Variants in ANO5 observed in about 807,000 individuals in gnomAD.
The protein encoded by ANO5 is anoctamin-5.
In ANO5, 109 loss-of-function variants were observed where a neutral mutation model predicts 121.0. The observed-to-expected ratio is 0.90, with a 90% CI of 0.77 to 1.06. The LOEUF is 1.06. ANO5 is among the 50% of genes least tolerant of loss of function. The pLI is 0.00. For missense variants in ANO5, 1,064 were observed against 1,078.5 expected (o/e 0.99, Z 0.19); for synonymous variants, 406 against 359.9 (o/e 1.13, Z -1.45).
chr11:22,210,287 C>T (rs775476983), intron 2 of ANO5, among the ~76,000 whole-genome samples: 49 of 150,456 alleles, frequency 3.3e-4, no homozygotes, highest in Admixed American at 4.6e-4. Flanking sequence ...ATCTTTCATT[C>T]TCTTTTAAAG....
In ANO5 at chr11:22,193,115, T is replaced by G; in HGVS notation, c.-378T>G. 27 of 1,064,930 alleles carry G rather than the reference T, an allele frequency of 2.5e-5. No individual in the cohort carries two copies. The highest frequency in any genetic ancestry group is 2.1e-4 in the Admixed American group (4 of 19,080). The allele number at this position is 1,064,930 out of a possible 1,614,324, so 66.0% of individuals were successfully genotyped here. On this transcript the variant is annotated 5_prime_UTR_variant, in exon 1 of 22. Transcript: ENST00000324559. ...GGATCCTGGCGAGCACCGGGAGGAG[T>G]GGCGGCTGCGGGATCAGCTGCCGAG...
intron 7 of ANO5, 86 bp downstream of exon 7, chr11:22,227,672 C>A: frequency 3.3e-6 from 5 of 1,516,432 alleles, no homozygotes; most frequent in Non-Finnish European, 4.6e-6. Context: ...GATGTCGTAC[C>A]ATTTCTGCAA....
intron 1 of ANO5, among the ~76,000 whole-genome samples, chr11:22,201,012 C>G (rs4444079): frequency 0.82 from 125,244 of 152,106 alleles, 52,040 homozygotes; most frequent in African/African-American, 0.92. Context: ...ATATAAAATG[C>G]CATAGTATTT....
At position 22,274,583 on chromosome 11, in the gene ANO5, A is replaced by G; in HGVS notation, c.2250A>G (p.Ala750=). ...LSVATNAFIV[A]FTSDIIPRLV... The stretch of plus-strand genomic sequence containing the variant: ...TTATTCTTCAGGCCTTTATTGTTGC[A>G]TTTACGTCAGACATCATTCCCCGTC... The change falls in exon 20 of 22, where the codon GCA becomes GCG. Residue 750 remains alanine, a synonymous_variant. Coordinates refer to ENST00000324559, the MANE Select transcript of ANO5 (RefSeq NM_213599.3). 3.1e-6 allele frequency: 5 copies of G among 1,598,944 alleles called. No individual in the cohort carries two copies. Among genetic ancestry groups the G allele is most frequent in the Non-Finnish European group, 3.4e-6 (4 of 1,170,462 alleles).
intron 1 of ANO5, among the ~76,000 whole-genome samples, chr11:22,202,181 A>G (rs1240167271): frequency 7.0e-6 from 1 of 142,636 alleles, no homozygotes; most frequent in Non-Finnish European, 1.5e-5. Flanking sequence ...ATAAAATTAT[A>G]AATAAAATAA....
At chr11:22,208,194 A>G (rs1226775670) in intron 2 of ANO5, among the ~76,000 whole-genome samples, 2 of 152,076 alleles carry the variant, frequency 1.3e-5, no homozygotes, top group Non-Finnish European at 2.9e-5. Context: ...ATCCAGCAGA[A>G]ATGTAAACAT....
chr11:22,217,498 T>C (rs541350991), intron 3 of ANO5, among the ~76,000 whole-genome samples: 12 of 151,986 alleles, frequency 7.9e-5, no homozygotes, highest in Non-Finnish European at 1.3e-4. Context: ...ATGTGGTAAT[T>C]TTAATTTCTT....
At chr11:22,212,612 C>T (rs769956408) in intron 3 of ANO5, among the ~76,000 whole-genome samples, 3 of 151,822 alleles carry the variant, frequency 2.0e-5, no homozygotes, top group Non-Finnish European at 2.9e-5. Flanking sequence ...TGTTGTTATG[C>T]TTTTAGATTC....
At chr11:22,249,965 T>G (rs1853746605) in intron 9 of ANO5, among the ~76,000 whole-genome samples, 1 of 152,180 alleles carries the variant, frequency 6.6e-6, no homozygotes, top group Non-Finnish European at 1.5e-5. Flanking sequence ...AATTTTAAAG[T>G]TAAATTCCGT....
chr11:22,195,364 C>T (rs1851776533), intron 1 of ANO5, among the ~76,000 whole-genome samples: 1 of 152,044 alleles, frequency 6.6e-6, no homozygotes, highest in Admixed American at 6.5e-5. Context: ...ATATTTCCTC[C>T]CATTCTGAGT....
intron 7 of ANO5, 45 bp downstream of exon 7, chr11:22,227,631 G>A (rs778325562): frequency 2.9e-5 from 46 of 1,596,648 alleles, no homozygotes; most frequent in Non-Finnish European, 3.6e-5. Context: ...AATACGAGAT[G>A]TATGCTTGTG....
intron 21 of ANO5, among the ~76,000 whole-genome samples, chr11:22,276,970 G>T (rs533659202): frequency 6.6e-6 from 1 of 151,176 alleles, no homozygotes; most frequent in South Asian, 2.1e-4. Context: ...AAATCAAATA[G>T]TTCTGCATGG....
In ANO5 at chr11:22,276,088, T is replaced by C. The variant is rs1313695353; in HGVS notation, c.2415-6T>C. 6.3e-7 allele frequency: 1 copy of C among 1,587,946 alleles called. No homozygotes were observed. Among genetic ancestry groups the C allele is most frequent in the Non-Finnish European group, 8.6e-7 (1 of 1,157,130 alleles). ...TTTTTTTTTTGCATTTACTTCCACT[T>C]TTCAGGTACAGAGATTACAGATATC... is the stretch of plus-strand genomic sequence containing the variant. On this transcript the variant is annotated splice_polypyrimidine_tract_variant and splice_region_variant and intron_variant, in intron 20 of 21. Transcript: ENST00000324559.
chr11:22,231,225 C>T lies in ANO5; in HGVS notation c.648+3639C>T, dbSNP rs979951143. Among the ~76,000 whole-genome samples, 13 of 152,074 alleles carry T rather than the reference C, an allele frequency of 8.5e-5. No homozygotes were observed. In the East Asian group the frequency reaches 2.5e-3, roughly 29 times the overall value. On this transcript the variant is annotated intron_variant, in intron 7 of 21. Transcript: ENST00000324559. ...TGTATGCTCAATGCCCAGTATATAA[C>T]ACTCATAAGTATTTTTAAGTAATGA...
chr11:22,266,132 T>C (rs778420572), intron 17 of ANO5, among the ~76,000 whole-genome samples: 21 of 152,184 alleles, frequency 1.4e-4, no homozygotes, highest in Non-Finnish European at 2.4e-4. Flanking sequence ...AAAACTATTT[T>C]TTAAAAAGCA....
intron 21 of ANO5, among the ~76,000 whole-genome samples, chr11:22,277,109 T>C (rs1043488517): frequency 9.9e-5 from 15 of 151,688 alleles, no homozygotes; most frequent in African/African-American, 3.1e-4. Flanking sequence ...AAGAAGATCA[T>C]TTTGCAGTTA....
At chr11:22,230,456 G>T (rs955768665) in intron 7 of ANO5, among the ~76,000 whole-genome samples, 2 of 151,826 alleles carry the variant, frequency 1.3e-5, no homozygotes, top group African/African-American at 4.8e-5. Context: ...TTTACAGCTG[G>T]ATTTTATACA....
rs1192121839 is a variant in ANO5, at chr11:22,203,794, T to A, written c.41-10T>A. 1.4e-6 allele frequency: 2 copies of A among 1,452,692 alleles called. No homozygotes were observed. Among genetic ancestry groups the A allele is most frequent in the East Asian group, 4.6e-5 (2 of 43,294 alleles). The allele number at this position is 1,452,692 out of a possible 1,614,324, so 90.0% of individuals were successfully genotyped here. A position where few individuals can be genotyped will look rare whatever the true frequency, so the allele number is the denominator to read the frequency against. Reference sequence around the variant, plus strand: ...ATTTAACATGTTTTTCTCTTTCTTATTTAATTTAGGGGAAAAAGTCAATAA... The same window carrying A: ...ATTTAACATGTTTTTCTCTTTCTTAATTAATTTAGGGGAAAAAGTCAATAA... On this transcript the variant is annotated splice_polypyrimidine_tract_variant and intron_variant, in intron 1 of 21. Transcript: ENST00000324559.
intron 17 of ANO5, among the ~76,000 whole-genome samples, chr11:22,269,938 G>A (rs908340312): frequency 6.6e-6 from 1 of 151,986 alleles, no homozygotes; most frequent in Non-Finnish European, 1.5e-5. Flanking sequence ...TCCTATTATA[G>A]TCAATTTCAT....
Sources: gnomAD v4.1 joint callset for allele counts (sites outside exome capture counted in the v4.1 genomes callset) on GRCh38, gnomAD v4.1.1 for gene constraint, MANE v1.5 for transcripts, NCBI Gene and HGNC (gene_info 2026-07-23, HGNC 2026-07-21) for gene names.